Variants in SPATS1 observed in about 807,000 individuals in gnomAD.
SPATS1 encodes spermatogenesis-associated serine-rich protein 1.
Under a neutral mutation model 33.6 loss-of-function variants are expected in SPATS1, and 23 were observed. The ratio of observed to expected loss-of-function variants is 0.68; its 90% CI spans 0.49 to 0.97. SPATS1 has a LOEUF of 0.97. SPATS1 is among the 50% of genes least tolerant of loss of function. The probability of loss-of-function intolerance (pLI) is 0.00; values close to 1 mark genes in which losing one functional copy is unlikely to be tolerated. For missense variants in SPATS1, 327 were observed against 361.0 expected (o/e 0.91, Z 0.76); for synonymous variants, 131 against 125.6 (o/e 1.04, Z -0.29).
intron 6 of SPATS1, among the ~76,000 whole-genome samples, chr6:44,368,963 C>G (rs1465316559): frequency 6.7e-6 from 1 of 149,108 alleles, no homozygotes; most frequent in East Asian, 2.0e-4. Context: ...GTGGTGCCAT[C>G]TCAGCTCACT....
At chr6:44,364,450 T>A (rs1789116254) in intron 5 of SPATS1, among the ~76,000 whole-genome samples, 1 of 152,232 alleles carries the variant, frequency 6.6e-6, no homozygotes, top group African/African-American at 2.4e-5. Flanking sequence ...GTATTCACCA[T>A]GATCAGGACT....
At chr6:44,374,262 C>T (rs1036420923) in intron 7 of SPATS1, among the ~76,000 whole-genome samples, 3 of 152,178 alleles carry the variant, frequency 2.0e-5, no homozygotes, top group South Asian at 4.1e-4. Flanking sequence ...TATTGTTTAG[C>T]CCCTATATTT....
intron 2 of SPATS1, among the ~76,000 whole-genome samples, chr6:44,346,377 A>C (rs914081877): frequency 1.3e-5 from 2 of 151,828 alleles, no homozygotes; most frequent in Non-Finnish European, 2.9e-5. Flanking sequence ...GGCTATATGT[A>C]TGTGTTATTT....
At chr6:44,371,716 C>T (rs1789625165) in intron 7 of SPATS1, among the ~76,000 whole-genome samples, 1 of 152,084 alleles carries the variant, frequency 6.6e-6, no homozygotes, top group African/African-American at 2.4e-5. Flanking sequence ...GAGGCTGAGG[C>T]TGGCGGATCA....
At chr6:44,366,246 T>C (rs1404432261) in intron 5 of SPATS1, among the ~76,000 whole-genome samples, 2 of 151,952 alleles carry the variant, frequency 1.3e-5, no homozygotes, top group Non-Finnish European at 2.9e-5. Context: ...TGCCTCAGCC[T>C]CCTGAGTAGC....
chr6:44,361,822 G>A lies in SPATS1; in HGVS notation c.413-9G>A, dbSNP rs758459055. 8.7e-6 allele frequency: 14 copies of A among 1,614,130 alleles called. No homozygotes were observed. The South Asian group carries it at 1.3e-4, about 15-fold the overall frequency. ...CAGTGCTAATGGAAGGCTTTCTGGT[G>A]TATTGCAGAAGATGGGCATCGTCCT... On this transcript the variant is annotated splice_polypyrimidine_tract_variant and intron_variant, in intron 4 of 8. Transcript: ENST00000674044.
At position 44,343,229 on chromosome 6, in the gene SPATS1, C is replaced by T; in HGVS notation, c.134C>T (p.Thr45Ile). ...TCTGGCATGACCGAGGTGGAGAGGA[C>T]CTACAGTTGAGTTCTAAGAAATCCA... ...RDSGMTEVER[T>I]YSANCSDFLE... The change falls in exon 2 of 9, where the codon ACC (threonine) becomes ATC (isoleucine). Residue 45 changes from threonine (T) to isoleucine (I), a missense_variant. Coordinates refer to ENST00000674044, the MANE Select transcript of SPATS1 (RefSeq NM_001372081.1). 1 of 1,613,776 alleles carries T rather than the reference C, an allele frequency of 6.2e-7. No individual in the cohort carries two copies. Among genetic ancestry groups the T allele is most frequent in the Non-Finnish European group, 8.5e-7 (1 of 1,179,978 alleles).
chr6:44,352,712 T>C lies in SPATS1; in HGVS notation c.140-14T>C, dbSNP rs771260636. On this transcript the variant is annotated splice_polypyrimidine_tract_variant and intron_variant, in intron 2 of 8. Transcript: ENST00000674044. ...TCAATAATGTAATTAAATGGTGATATCTCTGTGTTACAGGTGCTAATTGCA... is the reference window on the plus strand; with the variant it reads ...TCAATAATGTAATTAAATGGTGATACCTCTGTGTTACAGGTGCTAATTGCA... 6.2e-7 allele frequency: 1 copy of C among 1,612,178 alleles called. No individual in the cohort carries two copies. The highest frequency in any genetic ancestry group is 8.5e-7 in the Non-Finnish European group (1 of 1,178,394).
chr6:44,368,428 A>G lies in SPATS1; in HGVS notation c.624A>G (p.Pro208=). ...CAAAGTTAACTCCAGGCGACAATCC[A>G]TATATGTACCCAGAACAGAGTAAAG... ...GIPKLTPGDN[P]YMYPEQSKGF... The change falls in exon 6 of 9, where the codon CCA becomes CCG. Residue 208 remains proline, a synonymous_variant. Coordinates refer to ENST00000674044, the MANE Select transcript of SPATS1 (RefSeq NM_001372081.1). 1 of 1,613,858 alleles carries G rather than the reference A, an allele frequency of 6.2e-7. No individual in the cohort carries two copies. Among genetic ancestry groups the G allele is most frequent in the South Asian group, 1.1e-5 (1 of 91,060 alleles).
chr6:44,365,821 T>C (rs1789210583), intron 5 of SPATS1, among the ~76,000 whole-genome samples: 1 of 152,296 alleles, frequency 6.6e-6, no homozygotes, highest in African/African-American at 2.4e-5. Context: ...ATCCAGGAAA[T>C]TGGATGGTCT....
In SPATS1 at chr6:44,348,959, C is replaced by T. The variant is rs373983405; in HGVS notation, c.140-3767C>T. On this transcript the variant is annotated intron_variant, in intron 2 of 8. Coordinates refer to ENST00000674044, the MANE Select transcript of SPATS1 (RefSeq NM_001372081.1). The stretch of plus-strand genomic sequence containing the variant: ...CAGCTTGGCCAACATGGTGAAACCC[C>T]GTCTCTACTAAAAATACAAAAATTA... Among the ~76,000 whole-genome samples, 129 of 152,228 alleles carry T rather than the reference C, an allele frequency of 8.5e-4. 1 individual carries two copies. In the East Asian group the frequency reaches 0.02, roughly 24 times the overall value.
At chr6:44,373,286 C>G (rs1417031062) in intron 7 of SPATS1, among the ~76,000 whole-genome samples, 1 of 152,174 alleles carries the variant, frequency 6.6e-6, no homozygotes, top group African/African-American at 2.4e-5. Context: ...CCAGGCAAAG[C>G]TGGGTGATTA....
intron 5 of SPATS1, among the ~76,000 whole-genome samples, chr6:44,366,125 A>AT (rs1167033171): frequency 0.011 from 335 of 29,796 alleles, 2 homozygotes; most frequent in African/African-American, 0.013. Flanking sequence ...ATATATATAT[A>AT]TATTTTTTTT....
intron 7 of SPATS1, among the ~76,000 whole-genome samples, chr6:44,372,997 T>A (rs1433588851): frequency 6.6e-6 from 1 of 152,226 alleles, no homozygotes; most frequent in Non-Finnish European, 1.5e-5. Flanking sequence ...TTTTTAGCCC[T>A]TTGTGAGCCC....
At chr6:44,349,827 T>C (rs1406687352) in intron 2 of SPATS1, among the ~76,000 whole-genome samples, 1 of 152,232 alleles carries the variant, frequency 6.6e-6, no homozygotes, top group Non-Finnish European at 1.5e-5. Flanking sequence ...AGAAGTGTGG[T>C]TTGAGTTTCC....
chr6:44,365,756 A>G (rs1043118451), intron 5 of SPATS1, among the ~76,000 whole-genome samples: 1 of 152,204 alleles, frequency 6.6e-6, no homozygotes, highest in African/African-American at 2.4e-5. Flanking sequence ...GCTCCCTTAT[A>G]TGGTTATTTG....
chr6:44,342,900 ACTCGCTGGGG>A (rs1359182926), intron 1 of SPATS1, 132 bp downstream of exon 1: 4 of 1,265,642 alleles, frequency 3.2e-6, no homozygotes, highest in South Asian at 1.4e-5. Context: ...CTGGGGGCGG[ACTCGCTGGGG>A]CTCCCAGGGC....
intron 7 of SPATS1, among the ~76,000 whole-genome samples, chr6:44,372,885 T>C: frequency 6.6e-6 from 1 of 152,204 alleles, no homozygotes. Flanking sequence ...AGGGATAGTT[T>C]AACTCCATTA....
At chr6:44,345,824 C>T (rs756580597) in intron 2 of SPATS1, among the ~76,000 whole-genome samples, 6 of 152,144 alleles carry the variant, frequency 3.9e-5, no homozygotes, top group Non-Finnish European at 7.4e-5. Context: ...AAATGACATG[C>T]ACTTCTCATA....
Sources: allele counts gnomAD v4.1 joint callset (sites outside exome capture counted in the v4.1 genomes callset), GRCh38; gene constraint gnomAD v4.1.1; transcripts MANE v1.5; gene names NCBI Gene and HGNC (gene_info 2026-07-23, HGNC 2026-07-21).